The following NELL2 variants were observed in gnomAD, a reference collection of about 807,000 sequenced individuals.
NELL2 encodes protein kinase C-binding protein NELL2.
In NELL2, 41 loss-of-function variants were observed where a neutral mutation model predicts 109.6. The observed-to-expected ratio is 0.37, with a 90% confidence interval of 0.29 to 0.49. NELL2 has a LOEUF of 0.49. Ranked by LOEUF, NELL2 falls within the 20% of genes least tolerant of loss-of-function variation. The pLI is 0.98. For synonymous variants in NELL2, 355 were observed against 344.7 expected (o/e 1.03, Z -0.33); for missense variants, 900 against 1,008.3 (o/e 0.89, Z 1.45).
At chr12:44,742,848 G>A (rs1279277409) in intron 9 of NELL2, among the ~76,000 whole-genome samples, 2 of 152,190 alleles carry the variant, frequency 1.3e-5, no homozygotes, top group South Asian at 2.1e-4. Flanking sequence ...AAGTGACGGG[G>A]AGAATGGAAC....
intron 13 of NELL2, among the ~76,000 whole-genome samples, chr12:44,628,562 C>T (rs1946345591): frequency 6.6e-6 from 1 of 152,168 alleles, no homozygotes. Flanking sequence ...TTTGGGTCTG[C>T]TCATTTCTCC....
At chr12:44,523,645 A>G in intron 16 of NELL2, 161 bp from the exon 17 acceptor site, 1 of 615,984 alleles carries the variant, frequency 1.6e-6, no homozygotes, top group Non-Finnish European at 2.8e-6. Flanking sequence ...AAGCAATGTT[A>G]ATGATCTGGG....
chr12:44,585,381 C>T (rs1044970587), intron 15 of NELL2, among the ~76,000 whole-genome samples: 1 of 152,108 alleles, frequency 6.6e-6, no homozygotes, highest in Non-Finnish European at 1.5e-5. Flanking sequence ...GGAGGCGGAT[C>T]ATCTGAGGTC....
intron 12 of NELL2, among the ~76,000 whole-genome samples, chr12:44,699,108 G>A (rs1047266639): frequency 2.6e-5 from 4 of 152,100 alleles, no homozygotes; most frequent in Admixed American, 6.6e-5. Flanking sequence ...CAAAAAACCA[G>A]TCTGAAAAAC....
chr12:44,876,919 C>G, upstream of NELL2: 1 of 1,240,214 alleles, frequency 8.1e-7, no homozygotes, highest in Non-Finnish European at 1.0e-6. Flanking sequence ...CTGCCGGGGG[C>G]GGGGCGCTGG....
intron 3 of NELL2, among the ~76,000 whole-genome samples, chr12:44,792,467 A>C (rs1942470088): frequency 6.6e-6 from 1 of 152,178 alleles, no homozygotes; most frequent in Admixed American, 6.6e-5. Context: ...ATAAAAAAGA[A>C]GCCATAAAGC....
chr12:44,885,420 A>T (rs956888025), intron 1 of NELL2, among the ~76,000 whole-genome samples: 2 of 152,066 alleles, frequency 1.3e-5, no homozygotes, highest in Admixed American at 6.5e-5. Flanking sequence ...TACTGCAACT[A>T]GTAAGTGGGT....
At chr12:44,724,779 C>T (rs1425708106) in intron 9 of NELL2, among the ~76,000 whole-genome samples, 2 of 142,390 alleles carry the variant, frequency 1.4e-5, no homozygotes, top group African/African-American at 5.2e-5. Context: ...TCATATGGAA[C>T]CAAAAAAGAG....
intron 1 of NELL2, among the ~76,000 whole-genome samples, chr12:44,890,780 G>A (rs1241561988): frequency 6.6e-6 from 1 of 151,406 alleles, no homozygotes; most frequent in Non-Finnish European, 1.5e-5. Flanking sequence ...ACCCAGGCTG[G>A]AGTACAATGG....
At chr12:44,773,902 T>TCTC (rs1555214528) in intron 9 of NELL2, among the ~76,000 whole-genome samples, 34,930 of 151,728 alleles carry the variant, frequency 0.23, 4,230 homozygotes, top group South Asian at 0.28. Context: ...GCTACTGTCT[T>TCTC]TCTCTCCACC....
At chr12:44,514,009 T>C (rs1462549142) in intron 19 of NELL2, among the ~76,000 whole-genome samples, 2 of 143,288 alleles carry the variant, frequency 1.4e-5, no homozygotes, top group African/African-American at 5.1e-5. Flanking sequence ...AAAACAAAGA[T>C]AGAGAATCAT....
At chr12:44,820,968 G>A (rs1943522983) in intron 2 of NELL2, among the ~76,000 whole-genome samples, 1 of 151,952 alleles carries the variant, frequency 6.6e-6, no homozygotes. Flanking sequence ...TCACAGGAAT[G>A]AGAGGAGGAT....
At chr12:44,655,260 C>T (rs914624198) in intron 13 of NELL2, among the ~76,000 whole-genome samples, 1 of 152,102 alleles carries the variant, frequency 6.6e-6, no homozygotes, top group African/African-American at 2.4e-5. Flanking sequence ...GGAAACATGC[C>T]ACTGGTGCTC....
intron 14 of NELL2, among the ~76,000 whole-genome samples, chr12:44,610,047 G>T (rs552282777): frequency 6.6e-6 from 1 of 151,738 alleles, no homozygotes; most frequent in African/African-American, 2.4e-5. Context: ...GGGAAAAGGC[G>T]AGTTAATGGA....
intron 9 of NELL2, among the ~76,000 whole-genome samples, chr12:44,730,304 A>G (rs1316550056): frequency 6.6e-6 from 1 of 152,206 alleles, no homozygotes; most frequent in African/African-American, 2.4e-5. Flanking sequence ...ACAGACATAT[A>G]TAGAACATTC....
chr12:44,704,667 A>G (rs1201225787), intron 11 of NELL2, among the ~76,000 whole-genome samples: 3 of 152,176 alleles, frequency 2.0e-5, no homozygotes, highest in Admixed American at 2.0e-4. Flanking sequence ...AAATTACTTG[A>G]TGTATGCTAT....
At chr12:44,824,362 T>C (rs1592605391) in intron 2 of NELL2, among the ~76,000 whole-genome samples, 1 of 152,314 alleles carries the variant, frequency 6.6e-6, no homozygotes, top group East Asian at 1.9e-4. Flanking sequence ...CAAGAAGTTT[T>C]CCCCTGTTTT....
At chr12:44,554,373 T>C (rs544684381) in intron 15 of NELL2, among the ~76,000 whole-genome samples, 1 of 152,282 alleles carries the variant, frequency 6.6e-6, no homozygotes, top group African/African-American at 2.4e-5. Flanking sequence ...TACTATATGA[T>C]TATGCTTACA....
intron 13 of NELL2, among the ~76,000 whole-genome samples, chr12:44,633,332 G>A (rs1037680027): frequency 5.9e-5 from 9 of 152,084 alleles, no homozygotes; most frequent in East Asian, 5.8e-4. Context: ...GAAGCACAGC[G>A]TATCAAACCA....
Sources: gnomAD v4.1 joint callset for allele counts (sites outside exome capture counted in the v4.1 genomes callset) on GRCh38, gnomAD v4.1.1 for gene constraint, MANE v1.5 for transcripts, NCBI Gene and HGNC (gene_info 2026-07-23, HGNC 2026-07-21) for gene names.